Variants in COL24A1 observed in about 807,000 individuals in gnomAD.
COL24A1 encodes collagen alpha-1(XXIV) chain.
A neutral mutation model predicts 253.9 loss-of-function variants in COL24A1; 224 were observed. That is an observed-to-expected ratio of 0.88 (90% CI 0.79 to 0.99). The LOEUF is 0.99. Ranked by LOEUF, COL24A1 falls within the 50% of genes least tolerant of loss-of-function variation. The pLI is 0.00. For synonymous variants in COL24A1, 685 were observed against 673.7 expected, an observed-to-expected ratio of 1.02 and a Z score of -0.26; for missense variants, 2,131 against 2,068.5, an observed-to-expected ratio of 1.03 and a Z score of -0.59.
At chr1:85,837,863 G>A (rs1676188840) in intron 43 of COL24A1, among the ~76,000 whole-genome samples, 1 of 152,120 alleles carries the variant, frequency 6.6e-6, no homozygotes. Context: ...AGGGAGACAG[G>A]AGACAACCTC....
At chr1:86,109,515 T>C (rs12048065) in intron 5 of COL24A1, among the ~76,000 whole-genome samples, 22,354 of 152,194 alleles carry the variant, frequency 0.15, 1,784 homozygotes, top group South Asian at 0.24. Context: ...AGAAGCTTAA[T>C]GAGCCTAAGC....
chr1:86,108,927 G>GTAA (rs1311629203), intron 5 of COL24A1, among the ~76,000 whole-genome samples: 2 of 152,160 alleles, frequency 1.3e-5, no homozygotes, highest in Non-Finnish European at 1.5e-5. Context: ...TGGTGCAAAA[G>GTAA]TAATTGTGGT....
chr1:85,873,489 C>T (rs1680774751), intron 35 of COL24A1, among the ~76,000 whole-genome samples: 1 of 152,090 alleles, frequency 6.6e-6, no homozygotes. Context: ...ACATATACAC[C>T]ATGGAATACT....
chr1:86,122,169 T>C (rs1293301166), intron 3 of COL24A1, among the ~76,000 whole-genome samples: 1 of 129,504 alleles, frequency 7.7e-6, no homozygotes. Flanking sequence ...ATCCAATAGA[T>C]TATCGCTTTT....
chr1:85,789,404 G>C (rs1365062693), intron 47 of COL24A1, among the ~76,000 whole-genome samples: 1 of 152,072 alleles, frequency 6.6e-6, no homozygotes, highest in Non-Finnish European at 1.5e-5. Context: ...TCTGAACATT[G>C]ATTTTGTATC....
At chr1:85,999,958 C>T (rs1045452149) in intron 19 of COL24A1, among the ~76,000 whole-genome samples, 2 of 152,136 alleles carry the variant, frequency 1.3e-5, no homozygotes, top group Admixed American at 6.5e-5. Flanking sequence ...AATTTGATGC[C>T]AACCTACTTT....
intron 24 of COL24A1, among the ~76,000 whole-genome samples, chr1:85,941,727 A>G (rs530210989): frequency 1.3e-5 from 2 of 152,278 alleles, no homozygotes; most frequent in East Asian, 3.8e-4. Context: ...TGACATATCT[A>G]CAGGAAGCAG....
At chr1:86,151,361 A>G (rs534981387) in intron 1 of COL24A1, among the ~76,000 whole-genome samples, 22 of 152,314 alleles carry the variant, frequency 1.4e-4, no homozygotes, top group Non-Finnish European at 2.8e-4. Context: ...ATACAAAGTT[A>G]TAGAGTTATA....
intron 12 of COL24A1, among the ~76,000 whole-genome samples, chr1:86,045,571 T>A (rs889728063): frequency 1.3e-5 from 2 of 151,432 alleles, no homozygotes; most frequent in African/African-American, 2.4e-5. Flanking sequence ...AAAAAAAAAA[T>A]TAACACACCA....
intron 18 of COL24A1, among the ~76,000 whole-genome samples, chr1:86,022,022 G>A (rs1034104532): frequency 2.0e-5 from 3 of 152,108 alleles, no homozygotes; most frequent in Non-Finnish European, 4.4e-5. Context: ...AGATCTTTAG[G>A]ACTCTCAGAA....
intron 24 of COL24A1, among the ~76,000 whole-genome samples, chr1:85,937,434 A>T (rs1168115934): frequency 6.8e-6 from 1 of 147,814 alleles, no homozygotes; most frequent in African/African-American, 2.5e-5. Context: ...GGAATATGGG[A>T]GGACATACTG....
intron 2 of COL24A1, among the ~76,000 whole-genome samples, chr1:86,131,468 T>A (rs940431219): frequency 6.6e-6 from 1 of 151,784 alleles, no homozygotes. Context: ...ACCCATTAAC[T>A]CGTCATTAAC....
rs772607990 is a variant in COL24A1, at chr1:85,842,122, C to T, written c.3517-1G>A. On this transcript the variant is annotated splice_acceptor_variant, in intron 40 of 59. Coordinates refer to ENST00000370571, the MANE Select transcript of COL24A1 (RefSeq NM_152890.7). LOFTEE classifies it high-confidence loss of function. ...AGGGTCCTGGTTGGCCCTGATGGCCCTACGAAAGGACAAGTAGACATTTAT... is the reference window on the plus strand; with the variant it reads ...AGGGTCCTGGTTGGCCCTGATGGCCTTACGAAAGGACAAGTAGACATTTAT... The T allele has an allele frequency of 3.1e-6, 5 of 1,613,372 alleles. No individual in the cohort carries two copies. Among genetic ancestry groups the T allele is most frequent in the Non-Finnish European group, 3.4e-6 (4 of 1,179,514 alleles).
intron 19 of COL24A1, among the ~76,000 whole-genome samples, chr1:85,994,987 T>C (rs1382312171): frequency 1.3e-5 from 2 of 152,178 alleles, no homozygotes; most frequent in South Asian, 2.1e-4. Flanking sequence ...TTCCCTTCTG[T>C]AATTCTATGT....
chr1:85,787,195 G>GT (rs201894051), intron 47 of COL24A1, among the ~76,000 whole-genome samples: 3,218 of 145,412 alleles, frequency 0.022, 50 homozygotes, highest in African/African-American at 0.042. Context: ...TTATGGCAGA[G>GT]TTTTTTTTTT....
At chr1:85,810,843 A>T (rs1263380244) in intron 47 of COL24A1, among the ~76,000 whole-genome samples, 1 of 151,788 alleles carries the variant, frequency 6.6e-6, no homozygotes, top group Non-Finnish European at 1.5e-5. Context: ...AGCCAATTAA[A>T]CCTCTGTTCT....
In COL24A1 at chr1:86,125,983, T is replaced by C; in HGVS notation, c.353A>G (p.Asn118Ser). ...ILTGLQSHRV[N>S]NAFLFSIRNK... ...TCTAATGCTGAAGAGAAATGCATTGTTCACCCGATGTGACTGTAACCCAGT... is the reference window on the plus strand; with the variant it reads ...TCTAATGCTGAAGAGAAATGCATTGCTCACCCGATGTGACTGTAACCCAGT... Residue 118 changes from asparagine to serine, a missense_variant, in exon 3 of 60, where the codon AAC (asparagine) becomes AGC (serine). By Grantham distance (46) the Asn-to-Ser change is conservative. Transcript: ENST00000370571. 6.2e-7 allele frequency: 1 copy of C among 1,613,594 alleles called. No individual in the cohort carries two copies. The highest frequency in any genetic ancestry group is 2.2e-5 in the East Asian group (1 of 44,842).
chr1:85,844,183 A>C (rs1676925743), intron 39 of COL24A1, among the ~76,000 whole-genome samples: 1 of 152,132 alleles, frequency 6.6e-6, no homozygotes, highest in Admixed American at 6.6e-5. Flanking sequence ...AGTAGTCCTC[A>C]AAGAAAATTT....
chr1:85,878,736 C>A (rs1681493242), intron 32 of COL24A1, among the ~76,000 whole-genome samples: 1 of 152,164 alleles, frequency 6.6e-6, no homozygotes, highest in African/African-American at 2.4e-5. Context: ...CACATCCTTG[C>A]CAACCTGTGG....
Sources: allele counts gnomAD v4.1 joint callset (sites outside exome capture counted in the v4.1 genomes callset), GRCh38; gene constraint gnomAD v4.1.1; transcripts MANE v1.5; gene names NCBI Gene and HGNC (gene_info 2026-07-23, HGNC 2026-07-21).